Variants in CSMD1 observed in about 807,000 individuals in gnomAD.
CSMD1 encodes the protein CUB and Sushi multiple domains 1.
A neutral mutation model predicts 417.5 loss-of-function variants in CSMD1; 213 were observed. The observed-to-expected ratio is 0.51, with a 90% CI of 0.46 to 0.57. CSMD1 has a LOEUF of 0.57. Ranked by LOEUF, CSMD1 falls within the 20% of genes least tolerant of loss-of-function variation. CSMD1 has a pLI of 0.00. For missense variants in CSMD1, 6,923 were observed against 4,529.7 expected, an observed-to-expected ratio of 1.53 and a Z score of -15.17; for synonymous variants, 2,862 against 1,736.8, an observed-to-expected ratio of 1.65 and a Z score of -16.11.
At position 3,983,662 on chromosome 8, in the gene CSMD1, T is replaced by C. The variant is rs147454111; in HGVS notation, c.818+14241A>G. On this transcript the variant is annotated intron_variant, in intron 5 of 69. Transcript: ENST00000635120. ...CCCACGTGTATCATGATAGAGATCA[T>C]GTGGAGTGTATTTTCAGGACAAGTT... Among the ~76,000 whole-genome samples, 125 of 152,332 alleles carry C rather than the reference T, an allele frequency of 8.2e-4. 1 individual carries two copies. Among genetic ancestry groups the C allele is most frequent in the African/African-American group, 2.8e-3 (118 of 41,574 alleles).
In CSMD1 at chr8:3,821,309, T is replaced by C. The variant is rs377154066; in HGVS notation, c.819-67267A>G. ...CATTAACCAGCAACACAGTCATTAT[T>C]ATTCTCAAGTATTATGCACTGTACA... On this transcript the variant is annotated intron_variant, in intron 5 of 69. Coordinates refer to ENST00000635120, the MANE Select transcript of CSMD1 (RefSeq NM_033225.6). Among the ~76,000 whole-genome samples, 137 of 152,322 alleles carry C rather than the reference T, an allele frequency of 9.0e-4. 1 individual carries two copies. The highest frequency in any genetic ancestry group is 3.2e-3 in the African/African-American group (131 of 41,576).
chr8:4,875,952 G>T (rs1469956538), intron 1 of CSMD1, among the ~76,000 whole-genome samples: 2 of 151,972 alleles, frequency 1.3e-5, no homozygotes, highest in African/African-American at 4.8e-5. Context: ...ATTAATAAGA[G>T]ATGCTATTTT....
At chr8:4,165,409 G>C (rs534352494) in intron 3 of CSMD1, among the ~76,000 whole-genome samples, 1 of 152,322 alleles carries the variant, frequency 6.6e-6, no homozygotes, top group Non-Finnish European at 1.5e-5. Context: ...GAAAATATAA[G>C]CATCATGTTT....
At chr8:4,212,551 T>C (rs889821124) in intron 3 of CSMD1, among the ~76,000 whole-genome samples, 1 of 152,110 alleles carries the variant, frequency 6.6e-6, no homozygotes, top group African/African-American at 2.4e-5. Flanking sequence ...GCCTTTTTTT[T>C]TCTAAAATAA....
At chr8:3,750,483 C>A (rs1797281852) in intron 6 of CSMD1, among the ~76,000 whole-genome samples, 1 of 151,904 alleles carries the variant, frequency 6.6e-6, no homozygotes, top group Non-Finnish European at 1.5e-5. Context: ...TATTAGTCCC[C>A]AAATATCAAT....
intron 5 of CSMD1, among the ~76,000 whole-genome samples, chr8:3,869,402 ATTTT>A (rs1469405221): frequency 5.9e-5 from 9 of 152,118 alleles, no homozygotes; most frequent in African/African-American, 2.2e-4. Flanking sequence ...AAATTGACTT[ATTTT>A]GTTTACTCCT....
chr8:3,207,274 G>C (rs754157249), intron 30 of CSMD1, among the ~76,000 whole-genome samples: 10 of 147,322 alleles, frequency 6.8e-5, no homozygotes, highest in Non-Finnish European at 1.3e-4. Context: ...AGCCTCCCGA[G>C]TAGCTGCAAT....
intron 5 of CSMD1, among the ~76,000 whole-genome samples, chr8:3,904,452 G>C (rs76449647): frequency 6.6e-6 from 1 of 152,110 alleles, no homozygotes; most frequent in African/African-American, 2.4e-5. Context: ...ATGTCCCAGA[G>C]ATTTCAGTAA....
intron 26 of CSMD1, among the ~76,000 whole-genome samples, chr8:3,260,855 AAGACAAGCTAC>A (rs1319616412): frequency 6.6e-6 from 1 of 152,216 alleles, no homozygotes; most frequent in Non-Finnish European, 1.5e-5. Flanking sequence ...AGAGGATGGA[AAGACAAGCTAC>A]AGACTGGGAG....
At chr8:3,253,113 G>C (rs1290415232) in intron 26 of CSMD1, among the ~76,000 whole-genome samples, 1 of 152,014 alleles carries the variant, frequency 6.6e-6, no homozygotes, top group Non-Finnish European at 1.5e-5. Flanking sequence ...TCTTTTAATT[G>C]TGATGCTAGG....
At chr8:4,253,384 T>A (rs548400171) in intron 3 of CSMD1, among the ~76,000 whole-genome samples, 2 of 151,872 alleles carry the variant, frequency 1.3e-5, no homozygotes, top group African/African-American at 2.4e-5. Flanking sequence ...ATTTTTTTCA[T>A]TGAGTCCATA....
intron 12 of CSMD1, among the ~76,000 whole-genome samples, chr8:3,449,010 G>A (rs935250131): frequency 2.0e-5 from 3 of 152,136 alleles, no homozygotes; most frequent in African/African-American, 7.2e-5. Context: ...AATCAAACAC[G>A]TATTAGTAGG....
chr8:4,012,803 T>A (rs533961325), intron 4 of CSMD1, among the ~76,000 whole-genome samples: 1 of 152,280 alleles, frequency 6.6e-6, no homozygotes, highest in South Asian at 2.1e-4. Context: ...TCCATCTCAA[T>A]AAACGGTAAC....
intron 3 of CSMD1, among the ~76,000 whole-genome samples, chr8:4,096,490 C>T (rs1254171734): frequency 6.6e-6 from 1 of 152,112 alleles, no homozygotes; most frequent in East Asian, 1.9e-4. Context: ...CCCATAGGCT[C>T]AAATTATGAG....
chr8:4,860,251 G>A (rs1386792829), intron 1 of CSMD1, among the ~76,000 whole-genome samples: 1 of 126,838 alleles, frequency 7.9e-6, no homozygotes, highest in Non-Finnish European at 1.6e-5. Flanking sequence ...TCACACTCAG[G>A]GGACTGTTGT....
chr8:3,503,780 C>T (rs1796706291), intron 10 of CSMD1, among the ~76,000 whole-genome samples: 1 of 152,036 alleles, frequency 6.6e-6, no homozygotes. Flanking sequence ...TCAAAATGGC[C>T]TAAAAAGCAG....
At chr8:3,760,043 CA>C (rs1484542991) in intron 5 of CSMD1, among the ~76,000 whole-genome samples, 1 of 151,984 alleles carries the variant, frequency 6.6e-6, no homozygotes, top group East Asian at 1.9e-4. Flanking sequence ...CTGGTGAAAT[CA>C]AACGGAGCTT....
At chr8:3,810,207 C>T (rs898966220) in intron 5 of CSMD1, among the ~76,000 whole-genome samples, 2 of 152,126 alleles carry the variant, frequency 1.3e-5, no homozygotes, top group African/African-American at 2.4e-5. Context: ...TCAGGACAGT[C>T]TAGTCTTTGA....
At chr8:4,751,391 A>G (rs13260805) in intron 1 of CSMD1, among the ~76,000 whole-genome samples, 82,394 of 151,572 alleles carry the variant, frequency 0.54, 23,435 homozygotes, top group East Asian at 0.69. Flanking sequence ...ACTCTGTCTC[A>G]GGGGGGGTGG....
Sources: allele counts gnomAD v4.1 joint callset (sites outside exome capture counted in the v4.1 genomes callset), GRCh38; gene constraint gnomAD v4.1.1; transcripts MANE v1.5; gene names NCBI Gene and HGNC (gene_info 2026-07-23, HGNC 2026-07-21).